EEF1AKMT1: variants seen among roughly 807,000 people sequenced by gnomAD.
The protein encoded by EEF1AKMT1 is N-6 adenine-specific DNA methyltransferase 2 (putative).
EEF1AKMT1 carries 18 observed loss-of-function variants against 21.0 expected under a neutral mutation model. The observed-to-expected ratio is 0.86, with a 90% CI of 0.59 to 1.27. The LOEUF is 1.27. Ranked by LOEUF, EEF1AKMT1 falls within the 50% of genes most tolerant of loss-of-function variation. EEF1AKMT1 has a pLI of 0.00. For synonymous variants in EEF1AKMT1, 109 were observed against 94.8 expected (o/e 1.15, Z -0.87); for missense variants, 246 against 258.6 (o/e 0.95, Z 0.33).
At chr13:20,764,038 ATC>A (rs144816280) in intron 1 of EEF1AKMT1, among the ~76,000 whole-genome samples, 7,930 of 151,870 alleles carry the variant, frequency 0.052, 704 homozygotes, top group African/African-American at 0.18. Context: ...AATTTTATTG[ATC>A]TCTTTTAAAA....
rs1341472439 is a variant in EEF1AKMT1, at chr13:20,765,451, C to T, written c.-19-7834G>A. ...TTTTTGAGATAGAGTTTCACTCTTT[C>T]GCCCAGGCTGGAGTGCAGTGGTGCA... On this transcript the variant is annotated intron_variant, in intron 1 of 4. Transcript: ENST00000382758. Among the ~76,000 whole-genome samples, 7 of 91,456 alleles carry T rather than the reference C, an allele frequency of 7.7e-5. No homozygotes were observed. The South Asian group carries it at 1.9e-3, about 25-fold the overall frequency. 60.0% of individuals were successfully genotyped at this position (91,456 alleles called of 152,430 possible).
At chr13:20,771,233 G>A (rs1254545234) in intron 1 of EEF1AKMT1, among the ~76,000 whole-genome samples, 1 of 152,110 alleles carries the variant, frequency 6.6e-6, no homozygotes, top group African/African-American at 2.4e-5. Flanking sequence ...TTAAATAACA[G>A]CCTGTAACTT....
intron 4 of EEF1AKMT1, 52 bp from the exon 5 acceptor site, chr13:20,729,268 C>T (rs761949487): frequency 3.1e-6 from 5 of 1,610,542 alleles, no homozygotes; most frequent in Non-Finnish European, 4.2e-6. Flanking sequence ...AGCCGGAGCT[C>T]AGTGCGTCCT....
intron 2 of EEF1AKMT1, among the ~76,000 whole-genome samples, chr13:20,744,628 G>A (rs753081321): frequency 7.9e-5 from 12 of 152,130 alleles, no homozygotes; most frequent in Non-Finnish European, 7.4e-5. Context: ...CTCCCATTCT[G>A]TAGGCTGCTG....
chr13:20,731,289 A>G (rs1595009736), intron 4 of EEF1AKMT1, among the ~76,000 whole-genome samples: 1 of 152,272 alleles, frequency 6.6e-6, no homozygotes, highest in Non-Finnish European at 1.5e-5. Flanking sequence ...ACTCTATTGA[A>G]TTTTACCATA....
Position 20,757,444 on chromosome 13 carries a change from C to CATTT in EEF1AKMT1, c.144+7_144+10dup, listed in dbSNP as rs1247109223. 3.1e-6 allele frequency: 5 copies of CATTT among 1,613,592 alleles called. No homozygotes were observed. Among genetic ancestry groups the CATTT allele is most frequent in the Non-Finnish European group, 4.2e-6 (5 of 1,179,644 alleles). Reference sequence around the variant, plus strand: ...AATACTTCCTGATGGCTGTGAAATGCATTTACTTACCCAATTCTCTTCTAT... The same window carrying CATTT: ...AATACTTCCTGATGGCTGTGAAATGCATTTATTTACTTACCCAATTCTCTTCTAT... On this transcript the variant is annotated intron_variant, in intron 2 of 4. Transcript: ENST00000382758.
chr13:20,751,707 A>G (rs1324418169), intron 2 of EEF1AKMT1, among the ~76,000 whole-genome samples: 3 of 151,568 alleles, frequency 2.0e-5, no homozygotes, highest in Non-Finnish European at 4.4e-5. Flanking sequence ...ATTAGTATTG[A>G]TAGGGATTGT....
At chr13:20,756,068 T>C (rs2058969916) in intron 2 of EEF1AKMT1, among the ~76,000 whole-genome samples, 1 of 152,156 alleles carries the variant, frequency 6.6e-6, no homozygotes, top group South Asian at 2.1e-4. Flanking sequence ...TAAAAATGTT[T>C]ATCACAGTTA....
At position 20,732,070 on chromosome 13, in the gene EEF1AKMT1, G is replaced by A. The variant is rs191519806; in HGVS notation, c.279C>T (p.Cys93=). 2 of 1,614,042 alleles carry A rather than the reference G, an allele frequency of 1.2e-6. No individual in the cohort carries two copies. Among genetic ancestry groups the A allele is most frequent in the East Asian group, 4.5e-5 (2 of 44,886 alleles). Residue 93 remains cysteine (C), a synonymous_variant, in exon 4 of 5, where the codon TGC becomes TGT. Transcript: ENST00000382758. ...AGATGTATATCGAAAAGTTTTCTCT[G>A]CACAGCTCTCTGAGTTTCTGGTAAA... The part of the protein sequence containing the change: ...PSVYQKLREL[C]RENFSIYIFE...
At chr13:20,753,950 T>A (rs957715621) in intron 2 of EEF1AKMT1, among the ~76,000 whole-genome samples, 1 of 152,212 alleles carries the variant, frequency 6.6e-6, no homozygotes, top group African/African-American at 2.4e-5. Context: ...ATGTGAGGGC[T>A]TATTCCTATC....
intron 2 of EEF1AKMT1, chr13:20,748,001 A>G: frequency 4.0e-6 from 1 of 248,030 alleles, no homozygotes. Context: ...TTCCAGTACC[A>G]CCATCACCAA....
intron 1 of EEF1AKMT1, among the ~76,000 whole-genome samples, chr13:20,758,792 C>T (rs2058984353): frequency 1.3e-5 from 2 of 152,022 alleles, no homozygotes; most frequent in South Asian, 4.1e-4. Context: ...CTATAATAAC[C>T]AAAACAGCAT....
chr13:20,772,323 C>G (rs144227389), intron 1 of EEF1AKMT1, among the ~76,000 whole-genome samples: 2 of 152,230 alleles, frequency 1.3e-5, no homozygotes, highest in African/African-American at 4.8e-5. Context: ...CCTTATGTGG[C>G]TCAGACTCTA....
At chr13:20,763,548 G>A (rs2059012163) in intron 1 of EEF1AKMT1, among the ~76,000 whole-genome samples, 2 of 152,064 alleles carry the variant, frequency 1.3e-5, no homozygotes, top group South Asian at 2.1e-4. Flanking sequence ...CGCCTCCTGG[G>A]TTCAAGCGAT....
rs1001465416 is a variant in EEF1AKMT1 at position 20,757,672 on chromosome 13, G to A, written c.-19-55C>T. The A allele has an allele frequency of 1.2e-5, 17 of 1,405,484 alleles. No homozygotes were observed. In the African/African-American group the frequency reaches 1.5e-4, roughly 12 times the overall value. 87.1% of individuals were successfully genotyped at this position (1,405,484 alleles called of 1,614,324 possible). A position where few individuals can be genotyped will look rare whatever the true frequency, so the allele number is the denominator to read the frequency against. ...AGATTTTGTTTCCCCTTCCCAGCCA[G>A]TAATAATTTTTAAAAATTTTTATTT... is the stretch of plus-strand genomic sequence containing the variant. On this transcript the variant is annotated intron_variant, in intron 1 of 4. Coordinates refer to ENST00000382758, the MANE Select transcript of EEF1AKMT1 (RefSeq NM_001318939.2).
intron 1 of EEF1AKMT1, among the ~76,000 whole-genome samples, chr13:20,767,728 A>G (rs2059042738): frequency 6.6e-6 from 1 of 152,184 alleles, no homozygotes; most frequent in African/African-American, 2.4e-5. Context: ...TTATTTCCCA[A>G]GTAATCTTCT....
chr13:20,757,570 G>T lies in EEF1AKMT1; in HGVS notation c.29C>A (p.Pro10His), dbSNP rs1399068376. The change falls in exon 2 of 5, where the codon CCC becomes CAC. Residue 10 changes from proline to histidine, a missense_variant. Transcript: ENST00000382758. ...TGCTAAGGCATGGGCAGAAAGCTGG[G>T]GTGTCTCATCATCTTCCAAATCACT... MSDLEDDET[P>H]QLSAHALAAL... 87 of 1,613,674 alleles carry T rather than the reference G, an allele frequency of 5.4e-5. No individual in the cohort carries two copies. The highest frequency in any genetic ancestry group is 7.1e-5 in the Non-Finnish European group (84 of 1,179,840).
At chr13:20,743,374 T>C (rs1296016158) in intron 2 of EEF1AKMT1, among the ~76,000 whole-genome samples, 1 of 151,878 alleles carries the variant, frequency 6.6e-6, no homozygotes, top group Non-Finnish European at 1.5e-5. Flanking sequence ...GCTAATACTT[T>C]TATTATTTTT....
At chr13:20,739,149 G>C (rs759222139) in intron 2 of EEF1AKMT1, among the ~76,000 whole-genome samples, 1 of 151,968 alleles carries the variant, frequency 6.6e-6, no homozygotes, top group African/African-American at 2.4e-5. Context: ...TCTGGAGTTG[G>C]TAGTTCCTCC....
Sources: allele counts gnomAD v4.1 joint callset (sites outside exome capture counted in the v4.1 genomes callset), GRCh38; gene constraint gnomAD v4.1.1; transcripts MANE v1.5; gene names NCBI Gene and HGNC (gene_info 2026-07-23, HGNC 2026-07-21).